The following SYT16 variants were observed in gnomAD, a reference collection of about 807,000 sequenced individuals.
SYT16 encodes the protein synaptotagmin 16, also known as synaptotagmin-16.
Under a neutral mutation model 61.4 loss-of-function variants are expected in SYT16, and 42 were observed. The ratio of observed to expected loss-of-function variants is 0.68; its 90% CI spans 0.53 to 0.89. SYT16 has a LOEUF of 0.89. Among genes scored for constraint, SYT16 ranks in the 40% least tolerant of loss-of-function variants. The probability of loss-of-function intolerance (pLI) is 0.00; values close to 1 mark genes in which losing one functional copy is unlikely to be tolerated. For synonymous variants in SYT16, 314 were observed against 302.3 expected (o/e 1.04, Z -0.40); for missense variants, 804 against 807.3 (o/e 1.00, Z 0.05).
chr14:61,860,214 AAAC>A (rs376899867), intron 1 of SYT16, among the ~76,000 whole-genome samples: 72 of 152,192 alleles, frequency 4.7e-4, no homozygotes, highest in East Asian at 4.6e-3. Flanking sequence ...GCTTCTTTCC[AAAC>A]AACAACAACA....
rs1426735537 is a variant in SYT16 at position 61,997,305 on chromosome 14, G to T, written c.523+763G>T. Among the ~76,000 whole-genome samples the T allele has an allele frequency of 3.3e-5, 5 of 152,028 alleles. No homozygotes were observed. The East Asian group carries it at 9.7e-4, about 29-fold the overall frequency. Reference sequence around the variant, plus strand: ...AATGATATACACAGAAGGGATTTGGGTATGTGTGCATGGTGTGTAGTTGTA... The same window carrying T: ...AATGATATACACAGAAGGGATTTGGTTATGTGTGCATGGTGTGTAGTTGTA... On this transcript the variant is annotated intron_variant, in intron 3 of 7. Coordinates refer to ENST00000683842, the MANE Select transcript of SYT16 (RefSeq NM_001367656.1).
chr14:61,828,787 G>A (rs1172762647), intron 1 of SYT16, among the ~76,000 whole-genome samples: 1 of 152,212 alleles, frequency 6.6e-6, no homozygotes, highest in African/African-American at 2.4e-5. Context: ...TTTGTCCTTT[G>A]GCTGAGGGTG....
intron 1 of SYT16, among the ~76,000 whole-genome samples, chr14:61,862,453 C>T (rs771127141): frequency 4.6e-5 from 7 of 152,136 alleles, no homozygotes; most frequent in Non-Finnish European, 1.0e-4. Flanking sequence ...AATGTTTATT[C>T]CCTTTTAAAA....
At chr14:61,958,401 T>C (rs907344756) in intron 1 of SYT16, among the ~76,000 whole-genome samples, 3 of 151,970 alleles carry the variant, frequency 2.0e-5, no homozygotes, top group Non-Finnish European at 4.4e-5. Context: ...TTAATGTACG[T>C]ATTTATTGCT....
chr14:61,976,097 G>A (rs2140543705), intron 2 of SYT16, among the ~76,000 whole-genome samples: 1 of 152,324 alleles, frequency 6.6e-6, no homozygotes, highest in South Asian at 2.1e-4. Flanking sequence ...AAAATCCAGT[G>A]GGGCAGTCAA....
intron 1 of SYT16, among the ~76,000 whole-genome samples, chr14:61,908,506 A>G (rs958742245): frequency 5.3e-5 from 8 of 152,216 alleles, no homozygotes; most frequent in Non-Finnish European, 8.8e-5. Flanking sequence ...ATGAACATCT[A>G]ACTTAATGGG....
intron 1 of SYT16, among the ~76,000 whole-genome samples, chr14:61,891,405 A>G (rs2048126566): frequency 6.6e-6 from 1 of 152,134 alleles, no homozygotes; most frequent in South Asian, 2.1e-4. Context: ...ATGTGACATT[A>G]GGGAGATTCA....
chr14:61,891,215 C>A (rs2048112661), intron 1 of SYT16, among the ~76,000 whole-genome samples: 1 of 149,074 alleles, frequency 6.7e-6, no homozygotes. Context: ...CCTTCCAGGA[C>A]ATGTGTGCAC....
intron 1 of SYT16, among the ~76,000 whole-genome samples, chr14:61,869,719 C>T (rs2140301745): frequency 6.6e-6 from 1 of 151,860 alleles, no homozygotes; most frequent in Non-Finnish European, 1.5e-5. Context: ...AGAATGGATC[C>T]CTCATGAATG....
chr14:62,011,238 T>A (rs2053436499), intron 3 of SYT16, among the ~76,000 whole-genome samples: 1 of 152,168 alleles, frequency 6.6e-6, no homozygotes, highest in South Asian at 2.1e-4. Context: ...GCAAATGTTA[T>A]CTTTGGGACC....
chr14:61,868,106 G>A (rs367934715), intron 1 of SYT16, among the ~76,000 whole-genome samples: 1 of 151,844 alleles, frequency 6.6e-6, no homozygotes, highest in Admixed American at 6.6e-5. Flanking sequence ...AAAAATATTG[G>A]TCTAAATTTT....
At chr14:61,936,737 A>C (rs999151782) in intron 1 of SYT16, among the ~76,000 whole-genome samples, 1 of 151,986 alleles carries the variant, frequency 6.6e-6, no homozygotes, top group Non-Finnish European at 1.5e-5. Flanking sequence ...GTTCCTTTAC[A>C]TGATTGCCTT....
At chr14:61,886,377 C>A (rs1409108368) in intron 1 of SYT16, among the ~76,000 whole-genome samples, 1 of 152,176 alleles carries the variant, frequency 6.6e-6, no homozygotes, top group African/African-American at 2.4e-5. Context: ...GCATTTTACC[C>A]ACAGTGGAAC....
At chr14:62,002,418 A>G (rs1308481528) in intron 3 of SYT16, among the ~76,000 whole-genome samples, 1 of 150,008 alleles carries the variant, frequency 6.7e-6, no homozygotes, top group African/African-American at 2.5e-5. Flanking sequence ...TTGCCTATGC[A>G]TCAGAGAGTG....
chr14:61,996,326 C>A lies in SYT16; in HGVS notation c.307C>A (p.Gln103Lys), dbSNP rs747013440. ...TAATAGTGATTTGCAGGACTCTGCC[C>A]AAAATTCAAGCCCAAGCCTTAGCCA... is the stretch of plus-strand genomic sequence containing the variant. ...CCNSDLQDSAQNSSPSLSQHA... is the reference protein window; with the variant it reads ...CCNSDLQDSAKNSSPSLSQHA... The change falls in exon 3 of 8, where the codon CAA becomes AAA. Residue 103 changes from glutamine (Q) to lysine (K), a missense_variant. Coordinates refer to ENST00000683842, the MANE Select transcript of SYT16 (RefSeq NM_001367656.1). 1.9e-6 allele frequency: 3 copies of A among 1,613,312 alleles called. No individual in the cohort carries two copies. The East Asian group carries it at 6.7e-5, about 36-fold the overall frequency.
intron 1 of SYT16, among the ~76,000 whole-genome samples, chr14:61,945,885 AAGGATGAGTTAATGTCCTCTGCAG>A: frequency 6.8e-6 from 1 of 148,118 alleles, no homozygotes; most frequent in Non-Finnish European, 1.5e-5. Flanking sequence ...AAAAAAAAAA[AAGGATGAGTTAATGTCCTCTGCAG>A]GGACATGGAT....
At chr14:61,968,246 G>C (rs2051399462) in intron 1 of SYT16, among the ~76,000 whole-genome samples, 1 of 152,062 alleles carries the variant, frequency 6.6e-6, no homozygotes, top group South Asian at 2.1e-4. Context: ...GTGTGATGGA[G>C]TAAGACTCTG....
At chr14:61,907,747 AG>A (rs2048778254) in intron 1 of SYT16, among the ~76,000 whole-genome samples, 1 of 152,244 alleles carries the variant, frequency 6.6e-6, no homozygotes, top group East Asian at 1.9e-4. Context: ...TGAATCACAC[AG>A]GTAACTCTGG....
rs1395091779 is a variant in SYT16 at position 62,106,712 on chromosome 14, CAG to C, written c.*6006_*6007del. The C allele has an allele frequency of 6.6e-6, 1 of 152,136 alleles. No individual in the cohort carries two copies. Among genetic ancestry groups the C allele is most frequent in the Non-Finnish European group, 1.5e-5 (1 of 68,050 alleles). 9.4% of individuals were successfully genotyped at this position (152,136 alleles called of 1,614,324 possible). ...AGGGCTTTGGGGATGCCTGCAGGCT[CAG>C]GGGGAGTTTCCTCTCCTATGGTGCT... On this transcript the variant is annotated 3_prime_UTR_variant, in exon 8 of 8. Transcript: ENST00000683842.
Sources: allele counts gnomAD v4.1 joint callset (sites outside exome capture counted in the v4.1 genomes callset), GRCh38; gene constraint gnomAD v4.1.1; transcripts MANE v1.5; gene names NCBI Gene and HGNC (gene_info 2026-07-23, HGNC 2026-07-21).